The following CLIC4 variants were observed in gnomAD, a reference collection of about 807,000 sequenced individuals.
CLIC4 encodes the protein chloride intracellular channel protein 4.
In CLIC4, 13 loss-of-function variants were observed where a neutral mutation model predicts 24.6. The observed-to-expected ratio is 0.53, with a 90% CI of 0.34 to 0.84. The LOEUF (loss-of-function observed/expected upper bound fraction) is 0.84. Among genes scored for constraint, CLIC4 ranks in the 40% least tolerant of loss-of-function variants. The pLI is 0.01. For synonymous variants in CLIC4, 104 were observed against 111.3 expected, an observed-to-expected ratio of 0.93 and a Z score of 0.41; for missense variants, 227 against 301.7, an observed-to-expected ratio of 0.75 and a Z score of 1.83.
intron 3 of CLIC4, among the ~76,000 whole-genome samples, chr1:24,823,056 A>G (rs572526681): frequency 2.0e-5 from 3 of 152,332 alleles, no homozygotes; most frequent in African/African-American, 7.2e-5. Flanking sequence ...GCAAGCTTGT[A>G]GACTGGAATC....
chr1:24,775,522 TTC>T (rs777237738), intron 1 of CLIC4, among the ~76,000 whole-genome samples: 25 of 151,694 alleles, frequency 1.6e-4, no homozygotes, highest in Admixed American at 6.6e-4. Flanking sequence ...TCTTTCTTTC[TTC>T]TCTCTCTCTT....
chr1:24,784,972 CCAG>C, intron 1 of CLIC4, among the ~76,000 whole-genome samples: 1 of 148,726 alleles, frequency 6.7e-6, no homozygotes, highest in East Asian at 2.0e-4. Flanking sequence ...CCACTGCACT[CCAG>C]CCTGGGCGAC....
intron 2 of CLIC4, among the ~76,000 whole-genome samples, chr1:24,811,794 G>A (rs1163246810): frequency 6.6e-6 from 1 of 152,174 alleles, no homozygotes; most frequent in Non-Finnish European, 1.5e-5. Flanking sequence ...CCAGAGGCTT[G>A]ATTAGATTCA....
intron 4 of CLIC4, among the ~76,000 whole-genome samples, chr1:24,835,645 A>G (rs1639879409): frequency 2.0e-5 from 3 of 152,212 alleles, no homozygotes; most frequent in Non-Finnish European, 4.4e-5. Flanking sequence ...AAGGAGGTTA[A>G]TGGGGTTCTA....
At chr1:24,830,479 AAAC>A in intron 4 of CLIC4, among the ~76,000 whole-genome samples, 1 of 152,080 alleles carries the variant, frequency 6.6e-6, no homozygotes, top group African/African-American at 2.4e-5. Context: ...TCACTATAAT[AAAC>A]AATGCTGCTG....
chr1:24,819,583 G>A (rs1289717598), intron 3 of CLIC4, among the ~76,000 whole-genome samples: 3 of 151,386 alleles, frequency 2.0e-5, no homozygotes, highest in South Asian at 2.1e-4. Context: ...AATTACAGGC[G>A]TCCACCACTA....
chr1:24,796,414 C>T (rs538428641), intron 1 of CLIC4, among the ~76,000 whole-genome samples: 4 of 152,288 alleles, frequency 2.6e-5, no homozygotes, highest in South Asian at 4.1e-4. Flanking sequence ...GTCTCAAACT[C>T]CTGACCTCGT....
intron 2 of CLIC4, among the ~76,000 whole-genome samples, chr1:24,801,361 C>T (rs1054843750): frequency 6.6e-6 from 1 of 152,150 alleles, no homozygotes; most frequent in Admixed American, 6.5e-5. Flanking sequence ...TCTTTCATGG[C>T]CGGAGAAGGA....
intron 2 of CLIC4, among the ~76,000 whole-genome samples, chr1:24,798,783 G>A (rs1359952777): frequency 5.9e-5 from 9 of 151,596 alleles, no homozygotes; most frequent in Non-Finnish European, 1.3e-4. Flanking sequence ...AGCCTGCCGA[G>A]TGCCTGCGAT....
intron 1 of CLIC4, among the ~76,000 whole-genome samples, chr1:24,752,049 A>G (rs999082048): frequency 3.3e-5 from 5 of 152,192 alleles, no homozygotes; most frequent in African/African-American, 1.2e-4. Flanking sequence ...GGCATAACAC[A>G]TAAGAGTCTG....
At chr1:24,792,364 A>AT (rs765661462) in intron 1 of CLIC4, among the ~76,000 whole-genome samples, 102 of 151,852 alleles carry the variant, frequency 6.7e-4, no homozygotes, top group Admixed American at 1.1e-3. Context: ...TAATTTTCTA[A>AT]TTTTTTTAGT....
intron 1 of CLIC4, among the ~76,000 whole-genome samples, chr1:24,790,471 G>C (rs895638224): frequency 6.6e-6 from 1 of 152,192 alleles, no homozygotes; most frequent in Non-Finnish European, 1.5e-5. Context: ...TTCTGCTTCT[G>C]GAAAAACCGA....
At chr1:24,814,734 C>T (rs1263927102) in intron 3 of CLIC4, among the ~76,000 whole-genome samples, 2 of 152,208 alleles carry the variant, frequency 1.3e-5, no homozygotes, top group South Asian at 2.1e-4. Flanking sequence ...TGTTCCAGAT[C>T]TCTAGGTCCT....
intron 4 of CLIC4, 33 bp downstream of exon 4, chr1:24,827,149 C>A: frequency 1.5e-6 from 2 of 1,313,404 alleles, no homozygotes; most frequent in Non-Finnish European, 2.2e-6. Context: ...AACATTGCAA[C>A]AAAAAACCCC....
intron 1 of CLIC4, among the ~76,000 whole-genome samples, chr1:24,760,235 G>A (rs1056887179): frequency 2.0e-5 from 3 of 151,694 alleles, no homozygotes; most frequent in African/African-American, 7.3e-5. Context: ...GCGTGGTGGC[G>A]GGTGCCTGTA....
At chr1:24,814,960 G>C (rs1159496062) in intron 3 of CLIC4, among the ~76,000 whole-genome samples, 1 of 152,194 alleles carries the variant, frequency 6.6e-6, no homozygotes, top group African/African-American at 2.4e-5. Flanking sequence ...CCAGGAATGG[G>C]ATTATTGAGA....
At chr1:24,829,240 C>T (rs951063595) in intron 4 of CLIC4, among the ~76,000 whole-genome samples, 7 of 152,040 alleles carry the variant, frequency 4.6e-5, no homozygotes, top group Non-Finnish European at 4.4e-5. Context: ...ATTTTAAGAC[C>T]TTTTAGGACT....
In CLIC4 at chr1:24,830,904, T is replaced by C. The variant is rs538123310; in HGVS notation, c.415+3788T>C. ...TCTAGTGGTTAATTTTGACATTTTC[T>C]TTATATTTACATACTCCTTTGTGAT... is the stretch of plus-strand genomic sequence containing the variant. On this transcript the variant is annotated intron_variant, in intron 4 of 5. Coordinates refer to ENST00000374379, the MANE Select transcript of CLIC4 (RefSeq NM_013943.3). Among the ~76,000 whole-genome samples the C allele has an allele frequency of 6.6e-5, 10 of 152,320 alleles. No individual in the cohort carries two copies. In the South Asian group the frequency reaches 1.7e-3, roughly 25 times the overall value.
chr1:24,759,471 C>CTT (rs932807955), intron 1 of CLIC4, among the ~76,000 whole-genome samples: 6 of 143,082 alleles, frequency 4.2e-5, no homozygotes, highest in African/African-American at 1.5e-4. Flanking sequence ...CAATACGTGA[C>CTT]TTTTTTTTTT....
Sources: gnomAD v4.1 joint callset for allele counts (sites outside exome capture counted in the v4.1 genomes callset) on GRCh38, gnomAD v4.1.1 for gene constraint, MANE v1.5 for transcripts, NCBI Gene and HGNC (gene_info 2026-07-23, HGNC 2026-07-21) for gene names.